Variants in PIEZO2 observed in about 807,000 individuals in gnomAD.
PIEZO2 encodes piezo-type mechanosensitive ion channel component 2.
A neutral mutation model predicts 337.3 loss-of-function variants in PIEZO2; 172 were observed. The observed-to-expected ratio is 0.51, with a 90% CI of 0.45 to 0.58. PIEZO2 has a LOEUF of 0.58. Ranked by LOEUF, PIEZO2 falls within the 20% of genes least tolerant of loss-of-function variation. The pLI, the probability that PIEZO2 is intolerant of heterozygous loss-of-function variation, is 0.00. For synonymous variants in PIEZO2, 1,251 were observed against 1,228.5 expected (o/e 1.02, Z -0.38); for missense variants, 3,028 against 3,391.3 (o/e 0.89, Z 2.66).
At chr18:10,991,042 T>G (rs564372202) in intron 2 of PIEZO2, among the ~76,000 whole-genome samples, 1 of 151,982 alleles carries the variant, frequency 6.6e-6, no homozygotes, top group East Asian at 1.9e-4. Context: ...TCTGCTCTTA[T>G]TTTCCGAGGA....
chr18:10,774,382 A>C (rs1405817622), intron 18 of PIEZO2, among the ~76,000 whole-genome samples: 4 of 152,186 alleles, frequency 2.6e-5, no homozygotes, highest in Non-Finnish European at 5.9e-5. Context: ...AAGTTTTTAA[A>C]AATTTCTTGA....
intron 7 of PIEZO2, among the ~76,000 whole-genome samples, chr18:10,809,728 T>C (rs548888810): frequency 1.3e-5 from 2 of 152,298 alleles, no homozygotes; most frequent in African/African-American, 4.8e-5. Context: ...CAATGTTTGT[T>C]TCCCAGGATT....
chr18:10,780,501 G>A, intron 17 of PIEZO2, 135 bp from the exon 18 acceptor site: 1 of 626,176 alleles, frequency 1.6e-6, no homozygotes, highest in Admixed American at 2.5e-5. Context: ...CACCCTCACA[G>A]GCTTCATGCC....
chr18:10,729,006 G>A (rs200185746), intron 36 of PIEZO2, among the ~76,000 whole-genome samples: 2 of 37,692 alleles, frequency 5.3e-5, no homozygotes, highest in East Asian at 9.5e-4. Context: ...ACCTGCATAC[G>A]TGTGTGCACA....
Position 10,982,388 on chromosome 18 carries a change from C to A in PIEZO2, c.161-2728G>T, listed in dbSNP as rs916230720. On this transcript the variant is annotated intron_variant, in intron 2 of 55. Coordinates refer to ENST00000674853, the MANE Select transcript of PIEZO2 (RefSeq NM_001378183.1). The surrounding 1 kb of genome is among the most constrained non-coding windows in gnomAD (Gnocchi z 4.1). ...AAATTGTAAAAAAAAAATAGAAAAA[C>A]AAATAATAGGTATAAATAAGTGAAG... is the stretch of plus-strand genomic sequence containing the variant. Among the ~76,000 whole-genome samples the A allele has an allele frequency of 4.0e-5, 6 of 151,236 alleles. No homozygotes were observed. The East Asian group carries it at 1.2e-3, about 29-fold the overall frequency.
rs56271617 is a variant in PIEZO2, at chr18:10,880,846, C to CAT, written c.330-9433_330-9432dup. The stretch of plus-strand genomic sequence containing the variant: ...TCCATTTCAACTGCTTCCCACATAT[C>CAT]ATATATATATATATATATATATATA... On this transcript the variant is annotated intron_variant, in intron 4 of 55. Transcript: ENST00000674853. 6.7e-3 allele frequency among the ~76,000 whole-genome samples: 451 copies of CAT among 67,632 alleles called. 6 individuals are homozygous for CAT. The highest frequency in any genetic ancestry group is 7.9e-3 in the South Asian group (16 of 2,032). The allele number at this position is 67,632 out of a possible 152,430, so 44.4% of individuals were successfully genotyped here.
intron 3 of PIEZO2, among the ~76,000 whole-genome samples, chr18:10,931,581 T>G (rs2145193382): frequency 6.6e-6 from 1 of 152,294 alleles, no homozygotes; most frequent in South Asian, 2.1e-4. Flanking sequence ...GTATATTCAC[T>G]TAATCATGAG....
At chr18:11,123,021 T>C (rs1163317171) in intron 1 of PIEZO2, among the ~76,000 whole-genome samples, 3 of 151,940 alleles carry the variant, frequency 2.0e-5, no homozygotes, top group Non-Finnish European at 4.4e-5. Context: ...GTAAGCATTG[T>C]ACTTTTTTAA....
Position 10,863,798 on chromosome 18 carries a change from T to C in PIEZO2, c.493-6587A>G, listed in dbSNP as rs1192445179. On this transcript the variant is annotated intron_variant, in intron 5 of 55. Coordinates refer to ENST00000674853, the MANE Select transcript of PIEZO2 (RefSeq NM_001378183.1). This position sits in a 1 kb window ranked among gnomAD's most constrained non-coding sequence, Gnocchi z 4.3. ...GAGACTAGCCAAATACAATTGACTG[T>C]TTAAAGGCTTTTTTCTTTAAGATAT... 6.6e-6 allele frequency among the ~76,000 whole-genome samples: 1 copy of C among 151,902 alleles called. No individual in the cohort carries two copies. The highest frequency in any genetic ancestry group is 1.9e-4 in the East Asian group (1 of 5,192).
chr18:11,081,059 C>T (rs2038720259), intron 1 of PIEZO2, among the ~76,000 whole-genome samples: 1 of 152,156 alleles, frequency 6.6e-6, no homozygotes, highest in African/African-American at 2.4e-5. Flanking sequence ...ATAATTTCCA[C>T]TTAGGCATCC....
At chr18:11,090,375 T>C (rs1178951964) in intron 1 of PIEZO2, among the ~76,000 whole-genome samples, 1 of 152,224 alleles carries the variant, frequency 6.6e-6, no homozygotes, top group Non-Finnish European at 1.5e-5. Flanking sequence ...CATAAGTATC[T>C]ATATTTGGCT....
intron 3 of PIEZO2, among the ~76,000 whole-genome samples, chr18:10,924,334 A>T (rs2031598452): frequency 6.6e-6 from 1 of 152,234 alleles, no homozygotes; most frequent in Non-Finnish European, 1.5e-5. Flanking sequence ...CCCTGAAATT[A>T]TCCTAGGGGA....
In PIEZO2 at chr18:10,853,884, A is replaced by G. The variant is rs184007923; in HGVS notation, c.917+1469T>C. Among the ~76,000 whole-genome samples the G allele has an allele frequency of 1.5e-3, 227 of 152,348 alleles. No individual in the cohort carries two copies. The highest frequency in any genetic ancestry group is 6.8e-3 in the Middle Eastern group (2 of 294). ...CACCTAAGAAATCAGCAATAATTCT[A>G]TAGTCCAATATCCAGTGAACATTGA... On this transcript the variant is annotated intron_variant, in intron 7 of 55. Coordinates refer to ENST00000674853, the MANE Select transcript of PIEZO2 (RefSeq NM_001378183.1). The surrounding 1 kb of genome is among the most constrained non-coding windows in gnomAD (Gnocchi z 4.2).
intron 36 of PIEZO2, among the ~76,000 whole-genome samples, chr18:10,731,177 TTA>T (rs60508630): frequency 0.051 from 1,780 of 34,788 alleles, 16 homozygotes; most frequent in South Asian, 0.076. Context: ...ACTTAAAAGA[TTA>T]TATATATATA....
rs768606432 is a variant in PIEZO2 at position 10,888,483 on chromosome 18, T to G, written c.330-17068A>C. Among the ~76,000 whole-genome samples the G allele has an allele frequency of 6.6e-6, 1 of 152,152 alleles. No homozygotes were observed. Among genetic ancestry groups the G allele is most frequent in the Non-Finnish European group, 1.5e-5 (1 of 68,018 alleles). Reference sequence around the variant, plus strand: ...TTTTGTGCACCCTGGTATTCAGAGCTGGGCACTTGGAGTAGCATTGTTACG... The same window carrying G: ...TTTTGTGCACCCTGGTATTCAGAGCGGGGCACTTGGAGTAGCATTGTTACG... On this transcript the variant is annotated intron_variant, in intron 4 of 55. Transcript: ENST00000674853. The surrounding 1 kb of genome is among the most constrained non-coding windows in gnomAD (Gnocchi z 4.1).
intron 4 of PIEZO2, among the ~76,000 whole-genome samples, chr18:10,876,847 C>T (rs918704512): frequency 3.3e-5 from 5 of 152,196 alleles, no homozygotes; most frequent in African/African-American, 1.2e-4. Context: ...CAACCCACCA[C>T]TGCTCAGAAA....
Position 10,837,447 on chromosome 18 carries a change from G to C in PIEZO2, c.917+17906C>G, listed in dbSNP as rs1164702901. Among the ~76,000 whole-genome samples, 1 of 152,108 alleles carries C rather than the reference G, an allele frequency of 6.6e-6. No homozygotes were observed. Among genetic ancestry groups the C allele is most frequent in the African/African-American group, 2.4e-5 (1 of 41,410 alleles). ...TAGAGTGCTCCATCACGCTGGACTCGCTGGAATGGGGGTAATGAGGATGAC... is the reference window on the plus strand; with the variant it reads ...TAGAGTGCTCCATCACGCTGGACTCCCTGGAATGGGGGTAATGAGGATGAC... On this transcript the variant is annotated intron_variant, in intron 7 of 55. Coordinates refer to ENST00000674853, the MANE Select transcript of PIEZO2 (RefSeq NM_001378183.1). This position sits in a 1 kb window ranked among gnomAD's most constrained non-coding sequence, Gnocchi z 4.4.
chr18:10,731,215 A>ATATATATGTATATATATCTATC (rs1290190163), intron 36 of PIEZO2, among the ~76,000 whole-genome samples, 192 bp downstream of exon 36: 17 of 128,730 alleles, frequency 1.3e-4, no homozygotes, highest in African/African-American at 4.4e-4. Context: ...ATATATATAT[A>ATATATATGTATATATATCTATC]TATCTCCTAA....
At chr18:10,739,336 T>C (rs2037127745) in intron 33 of PIEZO2, 1 of 152,142 alleles carries the variant, frequency 6.6e-6, no homozygotes, top group Admixed American at 6.5e-5. Flanking sequence ...ATAATGAGGG[T>C]GAAATGAACC....
Sources: allele counts gnomAD v4.1 joint callset (sites outside exome capture counted in the v4.1 genomes callset), GRCh38; gene constraint gnomAD v4.1.1; non-coding constraint Gnocchi (gnomAD v3.1); transcripts MANE v1.5; gene names NCBI Gene and HGNC (gene_info 2026-07-23, HGNC 2026-07-21).